ADAMTS2: variants seen among roughly 807,000 people sequenced by gnomAD.
ADAMTS2 encodes the protein ADAM metallopeptidase with thrombospondin type 1 motif 2, also known as A disintegrin and metalloproteinase with thrombospondin motifs 2.
A neutral mutation model predicts 123.0 loss-of-function variants in ADAMTS2; 50 were observed. That is an observed-to-expected ratio of 0.41 (90% CI 0.32 to 0.51). The LOEUF (loss-of-function observed/expected upper bound fraction) is 0.51. ADAMTS2 is among the 20% of genes least tolerant of loss of function. ADAMTS2 has a pLI of 0.35. For synonymous variants in ADAMTS2, 678 were observed against 695.4 expected (o/e 0.98, Z 0.39); for missense variants, 1,494 against 1,705.2 (o/e 0.88, Z 2.18).
chr5:179,113,683 C>T lies in ADAMTS2; in HGVS notation c.*184G>A. On this transcript the variant is annotated 3_prime_UTR_variant, in exon 22 of 22. Coordinates refer to ENST00000251582, the MANE Select transcript of ADAMTS2 (RefSeq NM_014244.5). Reference sequence around the variant, plus strand: ...TTGGTCGCTCCTGGGCTGGGAAGCACACGTGCTAACCTAGTTACCACATGC... The same window carrying T: ...TTGGTCGCTCCTGGGCTGGGAAGCATACGTGCTAACCTAGTTACCACATGC... 1.5e-6 allele frequency: 1 copy of T among 661,914 alleles called. No homozygotes were observed. Among genetic ancestry groups the T allele is most frequent in the South Asian group, 1.9e-5 (1 of 53,202 alleles). 41.0% of individuals were successfully genotyped at this position (661,914 alleles called of 1,614,324 possible).
At chr5:179,204,583 T>C (rs531993937) in intron 4 of ADAMTS2, among the ~76,000 whole-genome samples, 1 of 152,278 alleles carries the variant, frequency 6.6e-6, no homozygotes, top group African/African-American at 2.4e-5. Context: ...ACTTGCTCAA[T>C]GCCCCTCCTC....
intron 13 of ADAMTS2, among the ~76,000 whole-genome samples, chr5:179,133,726 CTT>C (rs58209465): frequency 2.1e-5 from 3 of 144,534 alleles, no homozygotes; most frequent in Admixed American, 7.0e-5. Context: ...TTAACCTATT[CTT>C]TTTTTTTTTT....
At position 179,113,507 on chromosome 5, in the gene ADAMTS2, C is replaced by T. The variant is rs896011783; in HGVS notation, c.*360G>A. On this transcript the variant is annotated 3_prime_UTR_variant, in exon 22 of 22. Coordinates refer to ENST00000251582, the MANE Select transcript of ADAMTS2 (RefSeq NM_014244.5). The stretch of plus-strand genomic sequence containing the variant: ...ATCGGTAGGGAATGTCATGCATCTC[C>T]GCCAAGGAAAGGAAGGTTCCCAATC... 25 of 320,564 alleles carry T rather than the reference C, an allele frequency of 7.8e-5. No individual in the cohort carries two copies. In the Middle Eastern group the frequency reaches 5.4e-3, roughly 70 times the overall value. 19.9% of individuals were successfully genotyped at this position (320,564 alleles called of 1,614,324 possible).
intron 4 of ADAMTS2, among the ~76,000 whole-genome samples, chr5:179,198,567 C>T (rs933757749): frequency 6.6e-6 from 1 of 152,228 alleles, no homozygotes; most frequent in Non-Finnish European, 1.5e-5. Context: ...GGAGCAGTGG[C>T]TCATGCCTGT....
At chr5:179,201,114 G>C (rs1764554035) in intron 4 of ADAMTS2, among the ~76,000 whole-genome samples, 1 of 152,224 alleles carries the variant, frequency 6.6e-6, no homozygotes, top group Admixed American at 6.5e-5. Flanking sequence ...GTGGTGTGAG[G>C]AGGTGGGGAG....
At chr5:179,231,116 T>C (rs1281934822) in intron 3 of ADAMTS2, among the ~76,000 whole-genome samples, 1 of 152,056 alleles carries the variant, frequency 6.6e-6, no homozygotes, top group Non-Finnish European at 1.5e-5. Flanking sequence ...CCTCCCCACA[T>C]GCACACGCAT....
intron 3 of ADAMTS2, among the ~76,000 whole-genome samples, chr5:179,212,023 C>T (rs1764864638): frequency 6.6e-6 from 1 of 152,192 alleles, no homozygotes; most frequent in Admixed American, 6.5e-5. Flanking sequence ...GCCTCTGAGT[C>T]CAACGTTGTC....
At position 179,152,180 on chromosome 5, in the gene ADAMTS2, CCTT is replaced by C. The variant is rs1561779511; in HGVS notation, c.1588_1590del (p.Lys530del). The C allele has an allele frequency of 6.2e-6, 10 of 1,614,042 alleles. No homozygotes were observed. The highest frequency in any genetic ancestry group is 8.5e-6 in the Non-Finnish European group (10 of 1,179,948). On this transcript the variant is annotated inframe_deletion, in exon 10 of 22. Coordinates refer to ENST00000251582, the MANE Select transcript of ADAMTS2 (RefSeq NM_014244.5). ...CACATAGTCCCGTCCAAGGGGGGCC[CCTT>C]CTTGGTCTTGCAAAAGTAGGGGTTG...
intron 2 of ADAMTS2, among the ~76,000 whole-genome samples, chr5:179,333,890 C>T (rs955819680): frequency 2.6e-5 from 4 of 152,120 alleles, no homozygotes; most frequent in African/African-American, 4.8e-5. Flanking sequence ...CACTGTGCCC[C>T]GCCTACAGAT....
chr5:179,340,092 T>G (rs1276962959), intron 2 of ADAMTS2, among the ~76,000 whole-genome samples: 1 of 152,230 alleles, frequency 6.6e-6, no homozygotes, highest in African/African-American at 2.4e-5. Context: ...AGCCACGCAG[T>G]GGGGCAGCCC....
In ADAMTS2 at chr5:179,137,807, T is replaced by A. The variant is rs1390357216; in HGVS notation, c.1913A>T (p.Asp638Val). The A allele has an allele frequency of 1.3e-6, 2 of 1,560,112 alleles. No homozygotes were observed. The highest frequency in any genetic ancestry group is 1.7e-6 in the Non-Finnish European group (2 of 1,153,592). Residue 638 changes from aspartate (D) to valine (V), a missense_variant, in exon 12 of 22, where the codon GAC (aspartate) becomes GTC (valine). This residue lies in a region of ADAMTS2 where 953 missense variants were observed against 1,124.7 expected (regional missense o/e 0.85). Transcript: ENST00000251582. The stretch of plus-strand genomic sequence containing the variant: ...GTGGGGCAGCCAGTGGTGCTGGGCG[T>A]CGCCGTGCTCGAAGTACAGGTCCCA... ...RQWDLYFEHG[D>V]AQHHWLPHEH...
At chr5:179,278,192 C>CCG (rs1453774848) in intron 2 of ADAMTS2, among the ~76,000 whole-genome samples, 1 of 142,998 alleles carries the variant, frequency 7.0e-6, no homozygotes, top group Middle Eastern at 3.3e-3. Context: ...GCTGACCCCC[C>CCG]CAAGACCATC....
At chr5:179,191,158 G>A (rs7732747) in intron 4 of ADAMTS2, among the ~76,000 whole-genome samples, 6,313 of 152,320 alleles carry the variant, frequency 0.041, 171 homozygotes, top group East Asian at 0.077. Context: ...GTGTCCCCCA[G>A]GGGCCTCTCG....
At chr5:179,223,048 T>C (rs1765161265) in intron 3 of ADAMTS2, among the ~76,000 whole-genome samples, 1 of 152,238 alleles carries the variant, frequency 6.6e-6, no homozygotes, top group Non-Finnish European at 1.5e-5. Flanking sequence ...CAAGTCACTG[T>C]CTCCTTCTCT....
At chr5:179,156,114 G>T (rs1475010237) in intron 6 of ADAMTS2, among the ~76,000 whole-genome samples, 2 of 152,086 alleles carry the variant, frequency 1.3e-5, no homozygotes, top group African/African-American at 4.8e-5. Context: ...CTGCCTCCGT[G>T]GGAGGCTTTC....
In ADAMTS2 at chr5:179,159,366, TC is replaced by T. The variant is rs550396978; in HGVS notation, c.976-488del. Among the ~76,000 whole-genome samples the T allele has an allele frequency of 5.3e-4, 80 of 151,758 alleles. 1 individual carries two copies. In the South Asian group the frequency reaches 0.016, roughly 31 times the overall value. On this transcript the variant is annotated intron_variant, in intron 5 of 21. Transcript: ENST00000251582. ...AGAGGAAGCAGATCACCTTATACGT[TC>T]CCCCCGTGTGAAGGTACTTGCAGAA...
chr5:179,269,292 G>A (rs185410612), intron 3 of ADAMTS2, among the ~76,000 whole-genome samples: 1 of 152,320 alleles, frequency 6.6e-6, no homozygotes, highest in East Asian at 1.9e-4. Flanking sequence ...AGAGCTGTGA[G>A]AGAGGCATTT....
chr5:179,235,771 C>A (rs1232803552), intron 3 of ADAMTS2, among the ~76,000 whole-genome samples: 2 of 152,208 alleles, frequency 1.3e-5, no homozygotes, highest in Non-Finnish European at 2.9e-5. Context: ...TTGCTGGGCC[C>A]CCATGAACCA....
intron 2 of ADAMTS2, among the ~76,000 whole-genome samples, chr5:179,342,632 G>A (rs1324682620): frequency 1.3e-5 from 2 of 152,236 alleles, no homozygotes. Flanking sequence ...CTGGGAGAGT[G>A]GCCACTCACT....
Sources: allele counts gnomAD v4.1 joint callset (sites outside exome capture counted in the v4.1 genomes callset), GRCh38; gene constraint gnomAD v4.1.1; regional missense constraint gnomAD v4.1.1; transcripts MANE v1.5; gene names NCBI Gene and HGNC (gene_info 2026-07-23, HGNC 2026-07-21).